MC2R: variants seen among roughly 807,000 people sequenced by gnomAD.
MC2R encodes adrenocorticotropic hormone receptor.
A neutral mutation model predicts 9.8 loss-of-function variants in MC2R; 9 were observed. That is an observed-to-expected ratio of 0.92 (90% CI 0.55 to 1.60). MC2R has a LOEUF of 1.60. Ranked by LOEUF, MC2R falls within the 40% of genes most tolerant of loss-of-function variation. The probability of loss-of-function intolerance (pLI) is 0.00; values close to 1 mark genes in which losing one functional copy is unlikely to be tolerated. For missense variants in MC2R, 370 were observed against 389.0 expected, an observed-to-expected ratio of 0.95 and a Z score of 0.41; for synonymous variants, 185 against 154.7, an observed-to-expected ratio of 1.20 and a Z score of -1.45.
chr18:13,905,355 G>T (rs1254175540), intron 1 of MC2R, among the ~76,000 whole-genome samples: 1 of 151,874 alleles, frequency 6.6e-6, no homozygotes, highest in South Asian at 2.1e-4. Flanking sequence ...GCTTCGTGGC[G>T]TGTGCCTGTA....
chr18:13,896,649 C>T (rs1408445210), intron 1 of MC2R, among the ~76,000 whole-genome samples: 3 of 152,136 alleles, frequency 2.0e-5, no homozygotes, highest in Non-Finnish European at 4.4e-5. Context: ...TTACTTTAGA[C>T]CTTGTAGCTA....
At chr18:13,899,103 A>C (rs756325793) in intron 1 of MC2R, among the ~76,000 whole-genome samples, 8 of 152,254 alleles carry the variant, frequency 5.3e-5, no homozygotes, top group Non-Finnish European at 1.0e-4. Context: ...AGAAACTCAA[A>C]GAAATTCAAG....
intron 1 of MC2R, among the ~76,000 whole-genome samples, chr18:13,901,448 A>T (rs1389820326): frequency 6.6e-6 from 1 of 152,038 alleles, no homozygotes; most frequent in Non-Finnish European, 1.5e-5. Context: ...GGATCAAAGA[A>T]AGAAATAGTT....
intron 1 of MC2R, among the ~76,000 whole-genome samples, chr18:13,913,263 C>T (rs1366810319): frequency 1.3e-5 from 2 of 152,182 alleles, no homozygotes; most frequent in Non-Finnish European, 2.9e-5. Context: ...CACCCGCTCA[C>T]ATCTCCCGTC....
At chr18:13,912,479 T>C (rs983203825) in intron 1 of MC2R, among the ~76,000 whole-genome samples, 1 of 152,076 alleles carries the variant, frequency 6.6e-6, no homozygotes, top group Admixed American at 6.5e-5. Flanking sequence ...GAGGACCGGG[T>C]CAGGTTGGGC....
intron 1 of MC2R, among the ~76,000 whole-genome samples, chr18:13,893,100 C>T (rs2045326682): frequency 6.6e-6 from 1 of 152,242 alleles, no homozygotes; most frequent in African/African-American, 2.4e-5. Context: ...CAGGAGCCCC[C>T]ACTGAATATC....
intron 1 of MC2R, among the ~76,000 whole-genome samples, chr18:13,913,292 AT>A (rs2045457063): frequency 6.6e-6 from 1 of 152,188 alleles, no homozygotes; most frequent in Non-Finnish European, 1.5e-5. Context: ...TTCACTGCTC[AT>A]GGCAGGCTTC....
chr18:13,891,916 G>T (rs550813335), intron 1 of MC2R, among the ~76,000 whole-genome samples: 1 of 152,098 alleles, frequency 6.6e-6, no homozygotes, highest in Non-Finnish European at 1.5e-5. Context: ...TTCAAACAGA[G>T]AAGAAAAAGA....
At chr18:13,901,771 T>C (rs2045381378) in intron 1 of MC2R, among the ~76,000 whole-genome samples, 1 of 152,090 alleles carries the variant, frequency 6.6e-6, no homozygotes. Context: ...GCCTGTGACC[T>C]AATGGCTTCA....
chr18:13,905,131 C>G (rs1044261014), intron 1 of MC2R, among the ~76,000 whole-genome samples: 2 of 152,126 alleles, frequency 1.3e-5, no homozygotes, highest in Non-Finnish European at 2.9e-5. Context: ...TTTTTGCAAT[C>G]TATCTATCTG....
chr18:13,897,302 C>T (rs539051402), intron 1 of MC2R, among the ~76,000 whole-genome samples: 6 of 152,294 alleles, frequency 3.9e-5, no homozygotes, highest in East Asian at 3.9e-4. Context: ...CACCCAGCCA[C>T]GGAGCAAGTC....
At chr18:13,906,451 G>A (rs1208864101) in intron 1 of MC2R, among the ~76,000 whole-genome samples, 2 of 151,764 alleles carry the variant, frequency 1.3e-5, no homozygotes, top group Non-Finnish European at 2.9e-5. Flanking sequence ...TGAGGGGAGG[G>A]AACTTAGAGG....
intron 1 of MC2R, among the ~76,000 whole-genome samples, chr18:13,913,322 C>A (rs765352548): frequency 1.2e-4 from 19 of 152,176 alleles, no homozygotes; most frequent in Non-Finnish European, 1.2e-4. Flanking sequence ...TGCCTTCCTG[C>A]CAGTGTGACC....
rs1478939164 is a variant in MC2R, at chr18:13,883,243, C to T, written c.*1382G>A. The T allele has an allele frequency of 1.3e-5, 2 of 152,328 alleles. No homozygotes were observed. The highest frequency in any genetic ancestry group is 1.9e-4 in the East Asian group (1 of 5,204). The allele number at this position is 152,328 out of a possible 1,614,324, so 9.4% of individuals were successfully genotyped here. Reference sequence around the variant, plus strand: ...CACTGCTCTCCTCTGTCCCTTTCACCTTTCACCCCATTCAAGTCACCCTCC... The same window carrying T: ...CACTGCTCTCCTCTGTCCCTTTCACTTTTCACCCCATTCAAGTCACCCTCC... On this transcript the variant is annotated 3_prime_UTR_variant, in exon 2 of 2. Transcript: ENST00000327606.
chr18:13,883,625 A>ACTCT lies in MC2R; in HGVS notation c.*999_*1000insAGAG, dbSNP rs2045250660. ...CACACACACACACACACACACACAC[A>ACTCT]CACTCTCTCTCTCTCTCTCTCTCTC... On this transcript the variant is annotated 3_prime_UTR_variant, in exon 2 of 2. Coordinates refer to ENST00000327606, the MANE Select transcript of MC2R (RefSeq NM_000529.2). The ACTCT allele has an allele frequency of 2.4e-5, 1 of 42,412 alleles. No homozygotes were observed. Among genetic ancestry groups the ACTCT allele is most frequent in the African/African-American group, 7.2e-5 (1 of 13,974 alleles). 2.6% of individuals were successfully genotyped at this position (42,412 alleles called of 1,614,324 possible). A position where few individuals can be genotyped will look rare whatever the true frequency, so the allele number is the denominator to read the frequency against.
intron 1 of MC2R, among the ~76,000 whole-genome samples, chr18:13,888,112 T>TAA (rs11317710): frequency 1.1e-4 from 17 of 148,024 alleles, no homozygotes; most frequent in East Asian, 9.8e-4. Flanking sequence ...GTAAAATTCA[T>TAA]AAAAAAAAAA....
intron 1 of MC2R, among the ~76,000 whole-genome samples, chr18:13,909,068 C>T (rs1484912457): frequency 6.6e-6 from 1 of 152,136 alleles, no homozygotes; most frequent in Non-Finnish European, 1.5e-5. Flanking sequence ...TGGGTCTCAT[C>T]CAGGACATGG....
chr18:13,914,466 C>T (rs770128481), intron 1 of MC2R, among the ~76,000 whole-genome samples: 14 of 152,188 alleles, frequency 9.2e-5, no homozygotes, highest in Non-Finnish European at 2.1e-4. Context: ...AGCCTGTGAC[C>T]ACCGCTTCAC....
intron 1 of MC2R, among the ~76,000 whole-genome samples, chr18:13,899,914 AG>A (rs910062158): frequency 1.1e-4 from 16 of 152,338 alleles, no homozygotes; most frequent in Non-Finnish European, 1.9e-4. Context: ...AATCACCTGA[AG>A]GTACAAAACT....
Sources: allele counts gnomAD v4.1 joint callset (sites outside exome capture counted in the v4.1 genomes callset), GRCh38; gene constraint gnomAD v4.1.1; transcripts MANE v1.5; gene names NCBI Gene and HGNC (gene_info 2026-07-23, HGNC 2026-07-21).